PCCA: variants seen among roughly 807,000 people sequenced by gnomAD.
PCCA encodes propionyl-CoA carboxylase alpha chain, mitochondrial.
PCCA carries 74 observed loss-of-function variants against 101.3 expected under a neutral mutation model. The observed-to-expected ratio is 0.73, with a 90% CI of 0.61 to 0.89. PCCA has a LOEUF of 0.89. PCCA is among the 40% of genes least tolerant of loss of function. The pLI is 0.00. For synonymous variants in PCCA, 294 were observed against 313.6 expected (o/e 0.94, Z 0.66); for missense variants, 891 against 907.0 (o/e 0.98, Z 0.23).
At chr13:100,447,672 C>CA (rs548052967) in intron 20 of PCCA, among the ~76,000 whole-genome samples, 17,980 of 134,338 alleles carry the variant, frequency 0.13, 1,866 homozygotes, top group African/African-American at 0.3. Flanking sequence ...AACTCTGTCT[C>CA]AAAAAAAAAA....
At chr13:100,350,729 T>A (rs369745834) in intron 18 of PCCA, among the ~76,000 whole-genome samples, 3 of 152,210 alleles carry the variant, frequency 2.0e-5, no homozygotes, top group East Asian at 3.8e-4. Flanking sequence ...TTCCCTACCA[T>A]GATTCCAGAA....
chr13:100,363,639 T>C (rs900773282), intron 18 of PCCA, among the ~76,000 whole-genome samples: 4 of 152,178 alleles, frequency 2.6e-5, no homozygotes, highest in African/African-American at 9.7e-5. Context: ...CCACCCACTG[T>C]GAAAGTTATG....
intron 12 of PCCA, among the ~76,000 whole-genome samples, chr13:100,274,452 G>A (rs1007830419): frequency 6.6e-6 from 1 of 152,154 alleles, no homozygotes; most frequent in African/African-American, 2.4e-5. Flanking sequence ...CATAACAAAT[G>A]ATCATTAACT....
At chr13:100,511,155 A>C (rs1417541074) in intron 21 of PCCA, among the ~76,000 whole-genome samples, 1 of 152,256 alleles carries the variant, frequency 6.6e-6, no homozygotes, top group Non-Finnish European at 1.5e-5. Flanking sequence ...TTGAATTTCA[A>C]GTCTCATTCC....
chr13:100,526,653 A>C (rs560518720), intron 22 of PCCA, among the ~76,000 whole-genome samples: 23 of 152,274 alleles, frequency 1.5e-4, no homozygotes, highest in Non-Finnish European at 2.4e-4. Context: ...CACACCACAT[A>C]GCCATTGCCC....
At chr13:100,184,085 G>C (rs113480961) in intron 6 of PCCA, among the ~76,000 whole-genome samples, 5 of 152,248 alleles carry the variant, frequency 3.3e-5, no homozygotes, top group African/African-American at 1.2e-4. Flanking sequence ...CTGCTTCTGA[G>C]GAGGCCTCAG....
chr13:100,499,974 A>G (rs1425108441), intron 21 of PCCA, among the ~76,000 whole-genome samples: 3 of 152,108 alleles, frequency 2.0e-5, no homozygotes. Flanking sequence ...TAACAGATTC[A>G]TTTTTTCTTT....
intron 1 of PCCA, among the ~76,000 whole-genome samples, chr13:100,095,919 A>T (rs1018532065): frequency 1.3e-5 from 2 of 151,424 alleles, no homozygotes; most frequent in African/African-American, 4.8e-5. Context: ...TGGGAGTAGG[A>T]TTGGGGACTG....
At chr13:100,202,414 T>A (rs1316496368) in intron 6 of PCCA, among the ~76,000 whole-genome samples, 1 of 152,052 alleles carries the variant, frequency 6.6e-6, no homozygotes, top group Non-Finnish European at 1.5e-5. Flanking sequence ...TCCATTTTCT[T>A]TTGGTATAAA....
chr13:100,406,942 T>C (rs1424072241), intron 19 of PCCA, among the ~76,000 whole-genome samples: 1 of 152,224 alleles, frequency 6.6e-6, no homozygotes, highest in Non-Finnish European at 1.5e-5. Context: ...AAGCCTGTAT[T>C]TGAGAGGACC....
At chr13:100,332,220 G>A (rs1443898977) in intron 17 of PCCA, among the ~76,000 whole-genome samples, 1 of 152,116 alleles carries the variant, frequency 6.6e-6, no homozygotes, top group Non-Finnish European at 1.5e-5. Context: ...TTACAGGCGT[G>A]AGCTACCGTA....
rs577100500 is a variant in PCCA, at chr13:100,174,557, G to A, written c.468+17217G>A. Among the ~76,000 whole-genome samples, 19 of 149,698 alleles carry A rather than the reference G, an allele frequency of 1.3e-4. No homozygotes were observed. The South Asian group carries it at 1.5e-3, about 12-fold the overall frequency. ...AGCCTGGCCAACATGGCGAAACCCC[G>A]TCCCTACTAAAAACACAAAAATTAG... On this transcript the variant is annotated intron_variant, in intron 6 of 23. Coordinates refer to ENST00000376285, the MANE Select transcript of PCCA (RefSeq NM_000282.4).
intron 18 of PCCA, among the ~76,000 whole-genome samples, chr13:100,364,423 A>G (rs2074962593): frequency 6.6e-6 from 1 of 152,242 alleles, no homozygotes; most frequent in Non-Finnish European, 1.5e-5. Context: ...TTTCAAAGTA[A>G]GTATTATAAA....
At chr13:100,371,737 A>G (rs559357031) in intron 19 of PCCA, among the ~76,000 whole-genome samples, 205 of 152,314 alleles carry the variant, frequency 1.3e-3, no homozygotes, top group Middle Eastern at 3.4e-3. Flanking sequence ...AGTCAAAACA[A>G]TCCTGAAATA....
chr13:100,402,496 G>A (rs1039586542), intron 19 of PCCA, among the ~76,000 whole-genome samples: 1 of 152,094 alleles, frequency 6.6e-6, no homozygotes, highest in Non-Finnish European at 1.5e-5. Flanking sequence ...TCAAGGATCT[G>A]TCGTTCTTCA....
At chr13:100,341,748 A>G (rs2071348189) in intron 18 of PCCA, among the ~76,000 whole-genome samples, 1 of 151,922 alleles carries the variant, frequency 6.6e-6, no homozygotes, top group African/African-American at 2.4e-5. Context: ...TTCAGATGTT[A>G]TTTGGACCTT....
Position 100,515,529 on chromosome 13 carries a change from G to T in PCCA, c.2002G>T (p.Gly668Ter). The change falls in exon 22 of 24, where the codon GGA becomes TGA. Residue 668 changes from glycine (G) to a stop codon, truncating the protein, a stop_gained. Coordinates refer to ENST00000376285, the MANE Select transcript of PCCA (RefSeq NM_000282.4). LOFTEE classifies it high-confidence loss of function. Reference sequence around the variant, plus strand: ...CAGTGTTCTGCGTTCCCCGATGCCCGGAGTGGTGGTGGCCGTCTCTGTCAA... The same window carrying T: ...CAGTGTTCTGCGTTCCCCGATGCCCTGAGTGGTGGTGGCCGTCTCTGTCAA... Reference protein sequence around the residue: ...TSSVLRSPMPGVVVAVSVKPG... With the variant: ...TSSVLRSPMP 1 of 1,614,120 alleles carries T rather than the reference G, an allele frequency of 6.2e-7. No individual in the cohort carries two copies.
At chr13:100,133,499 G>C (rs1262475389) in intron 4 of PCCA, among the ~76,000 whole-genome samples, 4 of 152,144 alleles carry the variant, frequency 2.6e-5, no homozygotes, top group Non-Finnish European at 5.9e-5. Flanking sequence ...TTTTCTTCAA[G>C]ATTTTTGTAG....
intron 21 of PCCA, among the ~76,000 whole-genome samples, chr13:100,510,078 CA>C (rs988098795): frequency 4.6e-5 from 7 of 152,206 alleles, no homozygotes; most frequent in African/African-American, 1.7e-4. Flanking sequence ...GGATTTCTGG[CA>C]GCCGGAACTT....
Sources: gnomAD v4.1 joint callset for allele counts (sites outside exome capture counted in the v4.1 genomes callset) on GRCh38, gnomAD v4.1.1 for gene constraint, MANE v1.5 for transcripts, NCBI Gene and HGNC (gene_info 2026-07-23, HGNC 2026-07-21) for gene names.